EXOC6B: variants seen among roughly 807,000 people sequenced by gnomAD.
EXOC6B encodes SEC15 homolog B.
Under a neutral mutation model 113.5 loss-of-function variants are expected in EXOC6B, and 54 were observed. The ratio of observed to expected loss-of-function variants is 0.48; its 90% confidence interval spans 0.38 to 0.60. The LOEUF (loss-of-function observed/expected upper bound fraction) is 0.60, where lower values mean the gene tolerates loss of function less well. Among genes scored for constraint, EXOC6B ranks in the 20% least tolerant of loss-of-function variants. The probability of loss-of-function intolerance (pLI) is 0.00; values close to 1 mark genes in which losing one functional copy is unlikely to be tolerated. For missense variants in EXOC6B, 797 were observed against 977.5 expected (o/e 0.82, Z 2.46); for synonymous variants, 357 against 339.0 (o/e 1.05, Z -0.58).
chr2:72,406,157 C>A (rs941320669), intron 18 of EXOC6B, among the ~76,000 whole-genome samples: 37 of 152,160 alleles, frequency 2.4e-4, no homozygotes, highest in Admixed American at 2.2e-3. Flanking sequence ...AGCTCACTAT[C>A]CTAAATATAT....
chr2:72,769,975 T>TTA, intron 1 of EXOC6B, among the ~76,000 whole-genome samples: 1 of 152,188 alleles, frequency 6.6e-6, no homozygotes, highest in Admixed American at 6.5e-5. Context: ...AAACAAAACA[T>TTA]GAGCCAAGAA....
chr2:72,295,022 G>A (rs1449306918), intron 20 of EXOC6B, among the ~76,000 whole-genome samples: 1 of 152,000 alleles, frequency 6.6e-6, no homozygotes, highest in East Asian at 1.9e-4. Context: ...CACGTGGTCA[G>A]GAAATCGAGA....
chr2:72,318,727 T>G (rs1687673562), intron 20 of EXOC6B, among the ~76,000 whole-genome samples: 1 of 152,120 alleles, frequency 6.6e-6, no homozygotes, highest in Non-Finnish European at 1.5e-5. Flanking sequence ...ATGCATCAAA[T>G]CAGATTGCAA....
intron 6 of EXOC6B, among the ~76,000 whole-genome samples, chr2:72,599,314 C>CA: frequency 6.6e-6 from 1 of 151,838 alleles, no homozygotes; most frequent in Non-Finnish European, 1.5e-5. Context: ...AAGATCATAT[C>CA]AAAAAACAAA....
intron 6 of EXOC6B, among the ~76,000 whole-genome samples, chr2:72,599,691 T>TTA (rs1319075371): frequency 2.0e-5 from 3 of 152,086 alleles, no homozygotes; most frequent in Non-Finnish European, 4.4e-5. Context: ...AACTAAGTGA[T>TTA]TATAGCAAGG....
intron 20 of EXOC6B, among the ~76,000 whole-genome samples, chr2:72,214,911 C>T (rs1280528128): frequency 6.6e-6 from 1 of 152,154 alleles, no homozygotes; most frequent in East Asian, 1.9e-4. Context: ...TAATGGGAGA[C>T]AGGATGACTT....
chr2:72,365,655 A>G (rs987410173), intron 19 of EXOC6B, among the ~76,000 whole-genome samples: 18 of 152,188 alleles, frequency 1.2e-4, no homozygotes, highest in African/African-American at 4.1e-4. Flanking sequence ...GCATCCAGGA[A>G]AACTACAGAA....
intron 7 of EXOC6B, among the ~76,000 whole-genome samples, chr2:72,570,303 A>G (rs1704440824): frequency 6.6e-6 from 1 of 152,218 alleles, no homozygotes; most frequent in South Asian, 2.1e-4. Context: ...GCCAGCCTCC[A>G]GAAATGTGAG....
intron 6 of EXOC6B, among the ~76,000 whole-genome samples, chr2:72,693,531 T>C (rs561592362): frequency 6.6e-6 from 1 of 152,306 alleles, no homozygotes; most frequent in East Asian, 1.9e-4. Context: ...CAAAAAATCT[T>C]ACAGTGAATC....
chr2:72,510,143 T>C (rs914623009), intron 11 of EXOC6B, among the ~76,000 whole-genome samples: 4 of 152,192 alleles, frequency 2.6e-5, no homozygotes, highest in Non-Finnish European at 5.9e-5. Context: ...CTAATATCAG[T>C]ATTATTTTTT....
intron 17 of EXOC6B, among the ~76,000 whole-genome samples, chr2:72,466,139 G>T (rs1409473715): frequency 2.0e-5 from 3 of 152,060 alleles, no homozygotes. Context: ...GAGGTCAGGA[G>T]TTCGAGACCA....
intron 1 of EXOC6B, among the ~76,000 whole-genome samples, chr2:72,746,790 T>C (rs897596815): frequency 1.1e-4 from 16 of 152,150 alleles, no homozygotes; most frequent in Non-Finnish European, 1.9e-4. Context: ...CAACTTCACA[T>C]AGCTAGAAAG....
At chr2:72,581,326 A>T (rs1705208602) in intron 6 of EXOC6B, among the ~76,000 whole-genome samples, 1 of 152,196 alleles carries the variant, frequency 6.6e-6, no homozygotes, top group Admixed American at 6.5e-5. Flanking sequence ...ACAAAATGAA[A>T]ACAAAACAAA....
intron 1 of EXOC6B, among the ~76,000 whole-genome samples, chr2:72,767,157 CG>C (rs1386658934): frequency 6.6e-6 from 1 of 151,970 alleles, no homozygotes; most frequent in Non-Finnish European, 1.5e-5. Context: ...TGGCCGAGTG[CG>C]GGGGCTCACG....
At chr2:72,338,910 CACACATACACATACACATACACAT>C (rs70963125) in intron 19 of EXOC6B, among the ~76,000 whole-genome samples, 3 of 142,432 alleles carry the variant, frequency 2.1e-5, no homozygotes, top group Admixed American at 7.1e-5. Flanking sequence ...TGGAAGAACA[CACACATACACATACACATACACAT>C]ACACATACAC....
chr2:72,238,414 T>C (rs1173652072), intron 20 of EXOC6B, among the ~76,000 whole-genome samples: 1 of 152,222 alleles, frequency 6.6e-6, no homozygotes, highest in South Asian at 2.1e-4. Flanking sequence ...CTTGAGTATA[T>C]ACATAGGAAT....
chr2:72,555,051 C>T (rs1030933986), intron 8 of EXOC6B, among the ~76,000 whole-genome samples: 7 of 152,182 alleles, frequency 4.6e-5, no homozygotes, highest in Admixed American at 1.3e-4. Flanking sequence ...TGACAGTTTC[C>T]AGCTTCATCC....
intron 6 of EXOC6B, among the ~76,000 whole-genome samples, chr2:72,635,205 A>G (rs934040389): frequency 4.6e-5 from 7 of 152,146 alleles, no homozygotes; most frequent in Non-Finnish European, 1.0e-4. Flanking sequence ...GAAGAAAATC[A>G]TAAGGACAAA....
chr2:72,757,978 T>C (rs1227519434), intron 1 of EXOC6B, among the ~76,000 whole-genome samples: 2 of 151,832 alleles, frequency 1.3e-5, no homozygotes, highest in Admixed American at 1.3e-4. Context: ...CCGGGCAACA[T>C]AGCAAGATCC....
Sources: allele counts gnomAD v4.1 joint callset (sites outside exome capture counted in the v4.1 genomes callset), GRCh38; gene constraint gnomAD v4.1.1; transcripts MANE v1.5; gene names NCBI Gene and HGNC (gene_info 2026-07-23, HGNC 2026-07-21).